SPTSSB: variants seen among roughly 807,000 people sequenced by gnomAD.
The protein encoded by SPTSSB is androgen down regulated in mouse prostate.
A neutral mutation model predicts 7.7 loss-of-function variants in SPTSSB; 6 were observed. The ratio of observed to expected loss-of-function variants is 0.78; its 90% CI spans 0.43 to 1.54. The LOEUF (loss-of-function observed/expected upper bound fraction) is 1.54, where lower values mean the gene tolerates loss of function less well. Ranked by LOEUF, SPTSSB falls within the 40% of genes most tolerant of loss-of-function variation. The pLI is 0.01. For missense variants in SPTSSB, 91 were observed against 93.0 expected, an observed-to-expected ratio of 0.98 and a Z score of 0.09; for synonymous variants, 28 against 29.7, an observed-to-expected ratio of 0.94 and a Z score of 0.19.
chr3:161,359,855 G>C lies in SPTSSB; in HGVS notation c.-86C>G, dbSNP rs1714935328. The C allele has an allele frequency of 6.4e-6, 6 of 939,886 alleles. No homozygotes were observed. Among genetic ancestry groups the C allele is most frequent in the Non-Finnish European group, 7.6e-6 (6 of 788,494 alleles). The allele number at this position is 939,886 out of a possible 1,614,324, so 58.2% of individuals were successfully genotyped here. On this transcript the variant is annotated 5_prime_UTR_variant, in exon 2 of 3. Coordinates refer to ENST00000620149, the MANE Select transcript of SPTSSB (RefSeq NM_001040100.2). ...CCTTGCTCCTTCACGAAATGATCCT[G>C]TGTGGGTTAGTTCTCCTCTCTGGGT...
intron 1 of SPTSSB, among the ~76,000 whole-genome samples, chr3:161,369,697 A>T (rs1408919884): frequency 6.6e-6 from 1 of 152,020 alleles, no homozygotes; most frequent in Non-Finnish European, 1.5e-5. Context: ...TGAAACACAA[A>T]GCTGGGGATG....
intron 1 of SPTSSB, among the ~76,000 whole-genome samples, chr3:161,360,430 G>C (rs1341699337): frequency 6.6e-6 from 1 of 152,126 alleles, no homozygotes; most frequent in Non-Finnish European, 1.5e-5. Context: ...ATTTGATGTG[G>C]AACATCAGGT....
At chr3:161,351,203 A>G (rs1714521038) in intron 2 of SPTSSB, among the ~76,000 whole-genome samples, 1 of 152,236 alleles carries the variant, frequency 6.6e-6, no homozygotes, top group Non-Finnish European at 1.5e-5. Context: ...AGTTAATACT[A>G]GTATATCAAT....
At chr3:161,365,409 A>G (rs1270506244) in intron 1 of SPTSSB, among the ~76,000 whole-genome samples, 1 of 152,258 alleles carries the variant, frequency 6.6e-6, no homozygotes, top group Non-Finnish European at 1.5e-5. Flanking sequence ...AGGGAAGTGT[A>G]AGGTTCTCAG....
chr3:161,370,161 A>G (rs1437929617), intron 1 of SPTSSB, among the ~76,000 whole-genome samples: 1 of 152,224 alleles, frequency 6.6e-6, no homozygotes, highest in Non-Finnish European at 1.5e-5. Flanking sequence ...CTGTACAATT[A>G]TAAAGGGCAG....
chr3:161,346,498 A>T (rs1414977627), intron 2 of SPTSSB, 143 bp from the exon 3 acceptor site: 2 of 465,830 alleles, frequency 4.3e-6, no homozygotes, highest in Admixed American at 7.1e-5. Flanking sequence ...ATTCTGTAAA[A>T]TAATACATAC....
intron 1 of SPTSSB, among the ~76,000 whole-genome samples, chr3:161,369,734 C>T (rs1560109317): frequency 6.6e-6 from 1 of 152,000 alleles, no homozygotes; most frequent in East Asian, 1.9e-4. Flanking sequence ...GCCTGCTTCT[C>T]TCAGGGTATA....
chr3:161,368,760 A>G (rs1715330284), intron 1 of SPTSSB, among the ~76,000 whole-genome samples: 1 of 152,202 alleles, frequency 6.6e-6, no homozygotes, highest in Admixed American at 6.5e-5. Context: ...CTCAGGAAAC[A>G]ACTAATCTAC....
chr3:161,369,268 CTTTTTCT>C (rs1193502607), intron 1 of SPTSSB, among the ~76,000 whole-genome samples: 18 of 148,902 alleles, frequency 1.2e-4, no homozygotes, highest in African/African-American at 3.5e-4. Context: ...CTTTCTCTTT[CTTTTTCT>C]TCTTTCTTTC....
intron 1 of SPTSSB, among the ~76,000 whole-genome samples, chr3:161,362,233 G>A (rs1468273509): frequency 2.0e-5 from 3 of 151,958 alleles, no homozygotes; most frequent in Non-Finnish European, 2.9e-5. Context: ...CTCTTCAATG[G>A]GTGAATTAAT....
intron 1 of SPTSSB, 132 bp downstream of exon 1, chr3:161,371,303 G>T: frequency 1.7e-6 from 1 of 582,784 alleles, no homozygotes; most frequent in Non-Finnish European, 2.2e-6. Flanking sequence ...TCTGAAAATT[G>T]TAATGCAGTT....
chr3:161,362,759 C>G (rs994916951), intron 1 of SPTSSB, among the ~76,000 whole-genome samples: 10 of 151,952 alleles, frequency 6.6e-5, no homozygotes, highest in Non-Finnish European at 1.5e-4. Flanking sequence ...ATATATTATT[C>G]ATAAAGCCCA....
At chr3:161,364,879 C>T (rs1715156155) in intron 1 of SPTSSB, among the ~76,000 whole-genome samples, 1 of 151,500 alleles carries the variant, frequency 6.6e-6, no homozygotes, top group East Asian at 1.9e-4. Context: ...CGCTTTTTTC[C>T]TTCTTTCTTT....
chr3:161,345,720 A>G lies in SPTSSB; in HGVS notation c.*373T>C, dbSNP rs1714190077. ...GATTTTTTAAAATTTATCCTTTAGTATAGAATAAGTGTCAAGGGAGCACTT... is the reference window on the plus strand; with the variant it reads ...GATTTTTTAAAATTTATCCTTTAGTGTAGAATAAGTGTCAAGGGAGCACTT... On this transcript the variant is annotated 3_prime_UTR_variant, in exon 3 of 3. Coordinates refer to ENST00000620149, the MANE Select transcript of SPTSSB (RefSeq NM_001040100.2). The G allele has an allele frequency of 5.8e-6, 1 of 171,220 alleles. No individual in the cohort carries two copies. The highest frequency in any genetic ancestry group is 5.8e-5 in the Admixed American group (1 of 17,190). The allele number at this position is 171,220 out of a possible 1,614,324, so 10.6% of individuals were successfully genotyped here. A position where few individuals can be genotyped will look rare whatever the true frequency, so the allele number is the denominator to read the frequency against.
chr3:161,350,137 G>T (rs1714457753), intron 2 of SPTSSB, among the ~76,000 whole-genome samples: 2 of 152,290 alleles, frequency 1.3e-5, no homozygotes, highest in South Asian at 2.1e-4. Flanking sequence ...AAAAGTATTG[G>T]CTGGGCTTGC....
intron 1 of SPTSSB, among the ~76,000 whole-genome samples, chr3:161,368,275 T>C (rs1715301222): frequency 6.6e-6 from 1 of 152,208 alleles, no homozygotes. Flanking sequence ...AAACTCACCA[T>C]ACAATTTACC....
At chr3:161,353,918 C>G (rs1024388847) in intron 2 of SPTSSB, among the ~76,000 whole-genome samples, 1 of 152,022 alleles carries the variant, frequency 6.6e-6, no homozygotes, top group Non-Finnish European at 1.5e-5. Context: ...CTTTGGCAAC[C>G]AATTCCTCAT....
At chr3:161,353,289 C>A (rs977365499) in intron 2 of SPTSSB, among the ~76,000 whole-genome samples, 1 of 152,068 alleles carries the variant, frequency 6.6e-6, no homozygotes, top group Non-Finnish European at 1.5e-5. Flanking sequence ...AAGCCACTTG[C>A]AAGATTTTAC....
rs569459176 is a variant in SPTSSB at position 161,368,238 on chromosome 3, T to A, written c.-126+3197A>T. Among the ~76,000 whole-genome samples the A allele has an allele frequency of 5.6e-4, 85 of 152,262 alleles. 1 individual carries two copies. The highest frequency in any genetic ancestry group is 1.2e-3 in the South Asian group (6 of 4,826). On this transcript the variant is annotated intron_variant, in intron 1 of 2. Transcript: ENST00000620149. ...TTTGTTCTTTTAATACTCTGGAAAA[T>A]TTTTTTAAACCGGCTTTATTGAGAT...
Sources: allele counts gnomAD v4.1 joint callset (sites outside exome capture counted in the v4.1 genomes callset), GRCh38; gene constraint gnomAD v4.1.1; transcripts MANE v1.5; gene names NCBI Gene and HGNC (gene_info 2026-07-23, HGNC 2026-07-21).